The following PHC2 variants were observed in gnomAD, a reference collection of about 807,000 sequenced individuals.
PHC2 encodes polyhomeotic-like protein 2.
Under a neutral mutation model 87.4 loss-of-function variants are expected in PHC2, and 29 were observed. That is an observed-to-expected ratio of 0.33 (90% CI 0.25 to 0.45). The LOEUF is 0.45. Among genes scored for constraint, PHC2 ranks in the 20% least tolerant of loss-of-function variants. PHC2 has a pLI of 1.00. For synonymous variants in PHC2, 438 were observed against 461.7 expected (o/e 0.95, Z 0.66); for missense variants, 857 against 1,136.7 (o/e 0.75, Z 3.54).
chr1:33,412,167 T>G (rs887038634), intron 1 of PHC2, among the ~76,000 whole-genome samples: 7 of 152,162 alleles, frequency 4.6e-5, no homozygotes, highest in Admixed American at 4.6e-4. Context: ...ACAACATAAT[T>G]GTGTTTGTAA....
In PHC2 at chr1:33,349,853, CGCGCGCGGCGG is replaced by C. The variant is rs954450261; in HGVS notation, c.1558+4537_1558+4547del. The stretch of plus-strand genomic sequence containing the variant: ...CGGGCGGCGGCCGGGGTTGCGCGCG[CGCGCGCGGCGG>C]GCGCTCGAGGGCTGCAGCCGCCGCG... On this transcript the variant is annotated intron_variant, in intron 9 of 14. Coordinates refer to ENST00000683057, the MANE Select transcript of PHC2 (RefSeq NM_001385109.1). This position sits in a 1 kb window ranked among gnomAD's most constrained non-coding sequence, Gnocchi z 4.2. 3.1e-6 allele frequency: 3 copies of C among 977,094 alleles called. No individual in the cohort carries two copies. The highest frequency in any genetic ancestry group is 2.4e-6 in the Non-Finnish European group (2 of 825,902). 60.5% of individuals were successfully genotyped at this position (977,094 alleles called of 1,614,324 possible). A position where few individuals can be genotyped will look rare whatever the true frequency, so the allele number is the denominator to read the frequency against.
intron 1 of PHC2, among the ~76,000 whole-genome samples, chr1:33,401,961 GAAAAGACTGATACATTTGACTACATT>G (rs751867695): frequency 6.6e-6 from 1 of 152,000 alleles, no homozygotes; most frequent in Non-Finnish European, 1.5e-5. Context: ...TTTTAAACAA[GAAAAGACTGATACATTTGACTACATT>G]AAAAGAAAAA....
At chr1:33,347,711 G>T (rs1646871011) in intron 9 of PHC2, 1 of 985,372 alleles carries the variant, frequency 1.0e-6, no homozygotes, top group South Asian at 4.7e-5. Flanking sequence ...TCTTCCCTGT[G>T]TGCATGGACG....
intron 1 of PHC2, among the ~76,000 whole-genome samples, chr1:33,395,347 ATAGGGATTTGTACTATAT>A (rs1200567852): frequency 1.3e-5 from 2 of 152,118 alleles, no homozygotes; most frequent in South Asian, 4.2e-4. Context: ...GGTGATGTTG[ATAGGGATTTGTACTATAT>A]CAATGCATGC....
chr1:33,402,889 G>A (rs1649598755), intron 1 of PHC2, among the ~76,000 whole-genome samples: 1 of 151,932 alleles, frequency 6.6e-6, no homozygotes. Context: ...GCAGTGGCGC[G>A]ATCTCGCCTC....
chr1:33,352,034 CTTACTTCTCTCATGAGATAGGACCTCAA>C (rs1204849418), intron 9 of PHC2, among the ~76,000 whole-genome samples: 2 of 150,556 alleles, frequency 1.3e-5, no homozygotes, highest in African/African-American at 4.9e-5. Flanking sequence ...CTGTGTAAAG[CTTACTTCTCTCATGAGATAGGACCTCAA>C]GAGGAGGATG....
At chr1:33,428,936 T>G (rs1238155033) in intron 1 of PHC2, among the ~76,000 whole-genome samples, 19 of 152,218 alleles carry the variant, frequency 1.2e-4, no homozygotes, top group Non-Finnish European at 2.8e-4. Flanking sequence ...AATCCTGGAC[T>G]ACTTGCCCTG....
rs999774273 is a variant in PHC2 at position 33,384,703 on chromosome 1, G to A, written c.-54-9110C>T. 5.9e-5 allele frequency among the ~76,000 whole-genome samples: 9 copies of A among 152,154 alleles called. No individual in the cohort carries two copies. The South Asian group carries it at 6.2e-4, about 11-fold the overall frequency. On this transcript the variant is annotated intron_variant, in intron 1 of 14. Coordinates refer to ENST00000683057, the MANE Select transcript of PHC2 (RefSeq NM_001385109.1). ...TCACCCTTTGCAGTTCAGCTATAAC[G>A]TCTGTTCCTCTTAGGGACTTCCTTT...
At position 33,328,934 on chromosome 1, in the gene PHC2, G is replaced by T; in HGVS notation, c.2361C>A (p.Phe787Leu). Residue 787 changes from phenylalanine to leucine, a missense_variant, in exon 14 of 15, where the codon TTC becomes TTA. By Grantham distance (22) the Phe-to-Leu change is conservative. Transcript: ENST00000683057. ...TCCACTTGGTGGGCTCACTTGGCAG[G>T]AAGTGGTGTCCCATGCCCACCAGGT... ...MRDLVGMGHH[F>L]LPSEPTKWNV... The T allele has an allele frequency of 6.2e-7, 1 of 1,614,054 alleles. No homozygotes were observed. Among genetic ancestry groups the T allele is most frequent in the Non-Finnish European group, 8.5e-7 (1 of 1,179,894 alleles).
chr1:33,389,589 C>T (rs1255052218), intron 1 of PHC2, among the ~76,000 whole-genome samples: 2 of 152,126 alleles, frequency 1.3e-5, no homozygotes, highest in Non-Finnish European at 2.9e-5. Context: ...TCTGGAATCA[C>T]AAAGCAATTC....
intron 14 of PHC2, 102 bp downstream of exon 14, chr1:33,328,768 G>GCACCCC (rs1646425919): frequency 6.0e-6 from 7 of 1,174,546 alleles, no homozygotes; most frequent in African/African-American, 1.5e-5. Flanking sequence ...TCCTGAACCT[G>GCACCCC]AGTCATTAAC....
chr1:33,421,503 G>A (rs1015175625), intron 1 of PHC2, among the ~76,000 whole-genome samples: 2 of 152,144 alleles, frequency 1.3e-5, no homozygotes, highest in Admixed American at 6.5e-5. Context: ...TGAAAGGAAG[G>A]AGTTATGGGT....
rs572511286 is a variant in PHC2 at position 33,380,709 on chromosome 1, T to C, written c.-54-5116A>G. On this transcript the variant is annotated intron_variant, in intron 1 of 14. Coordinates refer to ENST00000683057, the MANE Select transcript of PHC2 (RefSeq NM_001385109.1). ...CTAGCAGTGAAATCTCTGGGTCATA[T>C]GTTATTCCATGTTTGGGCATGTGAA... Among the ~76,000 whole-genome samples the C allele has an allele frequency of 3.2e-4, 48 of 152,348 alleles. 1 individual carries two copies. The highest frequency in any genetic ancestry group is 8.5e-4 in the Admixed American group (13 of 15,302).
chr1:33,375,419 T>C lies in PHC2; in HGVS notation c.121A>G (p.Thr41Ala). The C allele has an allele frequency of 6.2e-7, 1 of 1,611,734 alleles. No individual in the cohort carries two copies. The highest frequency in any genetic ancestry group is 2.2e-5 in the East Asian group (1 of 44,638). The change falls in exon 2 of 15, where the codon ACC (threonine) becomes GCC (alanine). Residue 41 changes from threonine to alanine, a missense_variant. Thr to Ala is a moderately conservative substitution (Grantham distance 58). This residue lies in a region of PHC2 where 832 missense variants were observed against 1,081.8 expected (regional missense o/e 0.77). Coordinates refer to ENST00000683057, the MANE Select transcript of PHC2 (RefSeq NM_001385109.1). The stretch of plus-strand genomic sequence containing the variant: ...CTGTACACAGAAATCTGGGGCCCGG[T>C]GGGGCGGCCACTTCCACCACTGCTG... ...NSSSGGSGRPTGPQISVYSGI... is the reference protein window; with the variant it reads ...NSSSGGSGRPAGPQISVYSGI...
chr1:33,399,864 T>C (rs1649450002), intron 1 of PHC2, among the ~76,000 whole-genome samples: 1 of 152,090 alleles, frequency 6.6e-6, no homozygotes, highest in Non-Finnish European at 1.5e-5. Flanking sequence ...CAAGTGAATA[T>C]AAGTAATTCA....
Position 33,332,601 on chromosome 1 carries a change from T to C in PHC2, c.1762-197A>G. 1 of 606,902 alleles carries C rather than the reference T, an allele frequency of 1.6e-6. No individual in the cohort carries two copies. The highest frequency in any genetic ancestry group is 3.3e-4 in the Middle Eastern group (1 of 3,008). The allele number at this position is 606,902 out of a possible 1,614,324, so 37.6% of individuals were successfully genotyped here. ...GTTGGCTCACGAGGTAAGATGCTAA[T>C]GGGCAAAGTACAGGGATGGCTTCTG... On this transcript the variant is annotated intron_variant, in intron 10 of 14. Coordinates refer to ENST00000683057, the MANE Select transcript of PHC2 (RefSeq NM_001385109.1). This position sits in a 1 kb window ranked among gnomAD's most constrained non-coding sequence, Gnocchi z 4.2.
intron 1 of PHC2, among the ~76,000 whole-genome samples, chr1:33,385,794 TAA>T (rs200084605): frequency 7.0e-6 from 1 of 142,906 alleles, no homozygotes; most frequent in Admixed American, 7.0e-5. Flanking sequence ...AGTAACAGAA[TAA>T]AAATTTTTTT....
At chr1:33,353,416 C>G (rs1647010110) in intron 9 of PHC2, 2 of 152,196 alleles carry the variant, frequency 1.3e-5, no homozygotes, top group South Asian at 4.1e-4. Flanking sequence ...GTGGAATGGA[C>G]TGCTGTTCAA....
chr1:33,345,897 T>C (rs1646835735), intron 9 of PHC2: 3 of 985,164 alleles, frequency 3.0e-6, no homozygotes, highest in Non-Finnish European at 2.4e-6. Flanking sequence ...AAATGTTAAA[T>C]AAGTCATTGC....
Sources: gnomAD v4.1 joint callset for allele counts (sites outside exome capture counted in the v4.1 genomes callset) on GRCh38, gnomAD v4.1.1 for gene constraint, gnomAD v4.1.1 regional missense constraint, Gnocchi (gnomAD v3.1) non-coding constraint, MANE v1.5 for transcripts, NCBI Gene and HGNC (gene_info 2026-07-23, HGNC 2026-07-21) for gene names.